Variants in OSTM1 observed in about 807,000 individuals in gnomAD.
The protein encoded by OSTM1 is osteoclastogenesis associated transmembrane protein 1, also known as osteopetrosis-associated transmembrane protein 1.
In OSTM1, 26 loss-of-function variants were observed where a neutral mutation model predicts 35.4. The observed-to-expected ratio is 0.73, with a 90% CI of 0.54 to 1.02. The LOEUF (loss-of-function observed/expected upper bound fraction) is 1.02, where lower values mean the gene tolerates loss of function less well. OSTM1 is among the 50% of genes least tolerant of loss of function. OSTM1 has a pLI of 0.00. For missense variants in OSTM1, 366 were observed against 409.6 expected, an observed-to-expected ratio of 0.89 and a Z score of 0.92; for synonymous variants, 181 against 165.0, an observed-to-expected ratio of 1.10 and a Z score of -0.75.
chr6:108,052,634 C>T (rs1772097274), intron 3 of OSTM1, among the ~76,000 whole-genome samples: 1 of 150,976 alleles, frequency 6.6e-6, no homozygotes, highest in South Asian at 2.1e-4. Context: ...CAGGCAGGTG[C>T]CACCATACCT....
intron 1 of OSTM1, among the ~76,000 whole-genome samples, chr6:108,066,915 A>G (rs12174050): frequency 0.23 from 35,066 of 151,946 alleles, 4,097 homozygotes; most frequent in Admixed American, 0.26. Flanking sequence ...CAAAAAATCA[A>G]TGGTCCTTGC....
chr6:108,073,465 C>T (rs1277650831), intron 1 of OSTM1, among the ~76,000 whole-genome samples: 2 of 152,234 alleles, frequency 1.3e-5, no homozygotes, highest in Non-Finnish European at 2.9e-5. Flanking sequence ...AGCTACCACA[C>T]ACCTAGAGAA....
At chr6:108,058,411 G>A (rs1772204227) in intron 2 of OSTM1, among the ~76,000 whole-genome samples, 1 of 152,096 alleles carries the variant, frequency 6.6e-6, no homozygotes, top group Admixed American at 6.5e-5. Context: ...TAACAAATAT[G>A]AAAACTAAGA....
At chr6:108,049,065 T>C (rs546417515) in intron 5 of OSTM1, among the ~76,000 whole-genome samples, 188 bp downstream of exon 5, 2 of 152,292 alleles carry the variant, frequency 1.3e-5, no homozygotes, top group Admixed American at 1.3e-4. Context: ...TTTAACTTTT[T>C]ATTGTCCACA....
chr6:108,054,731 T>C, intron 2 of OSTM1, 144 bp from the exon 3 acceptor site: 1 of 456,664 alleles, frequency 2.2e-6, no homozygotes, highest in Non-Finnish European at 3.9e-6. Flanking sequence ...ATATGAAGCT[T>C]ACTCCTTTTA....
intron 2 of OSTM1, among the ~76,000 whole-genome samples, chr6:108,054,969 T>A (rs1772144694): frequency 6.6e-6 from 1 of 152,212 alleles, no homozygotes; most frequent in African/African-American, 2.4e-5. Context: ...TATCATTTTT[T>A]GTGTCAAATT....
chr6:108,074,685 C>T lies in OSTM1; in HGVS notation c.-34G>A, dbSNP rs890082910. 2.7e-6 allele frequency: 4 copies of T among 1,502,200 alleles called. No homozygotes were observed. The highest frequency in any genetic ancestry group is 2.1e-5 in the Admixed American group (1 of 47,340). The allele number at this position is 1,502,200 out of a possible 1,614,324, so 93.1% of individuals were successfully genotyped here. A position where few individuals can be genotyped will look rare whatever the true frequency, so the allele number is the denominator to read the frequency against. Reference sequence around the variant, plus strand: ...TCACACACCCCAGGGAGCCCACCGCCGCCTCTCCGCCCCCAGCCGGCACCG... The same window carrying T: ...TCACACACCCCAGGGAGCCCACCGCTGCCTCTCCGCCCCCAGCCGGCACCG... On this transcript the variant is annotated 5_prime_UTR_variant, in exon 1 of 6. Transcript: ENST00000193322.
intron 2 of OSTM1, among the ~76,000 whole-genome samples, chr6:108,063,861 T>C (rs550029818): frequency 2.6e-5 from 4 of 152,292 alleles, no homozygotes; most frequent in African/African-American, 9.6e-5. Context: ...TTACCACCAA[T>C]TTACAGATGA....
intron 1 of OSTM1, among the ~76,000 whole-genome samples, chr6:108,070,462 T>C (rs1772460805): frequency 6.6e-6 from 1 of 152,246 alleles, no homozygotes; most frequent in Non-Finnish European, 1.5e-5. Flanking sequence ...CCCCTAACTA[T>C]ACTGATAGTT....
chr6:108,055,846 A>G (rs61523006), intron 2 of OSTM1, among the ~76,000 whole-genome samples: 12,824 of 152,190 alleles, frequency 0.084, 1,010 homozygotes, highest in East Asian at 0.23. Flanking sequence ...GATGTTCCAC[A>G]TATTTTCTCA....
At chr6:108,072,795 T>C (rs537142949) in intron 1 of OSTM1, among the ~76,000 whole-genome samples, 129 of 152,296 alleles carry the variant, frequency 8.5e-4, no homozygotes, top group African/African-American at 2.8e-3. Flanking sequence ...TCTCACTCTG[T>C]TGCCCAGGAA....
intron 2 of OSTM1, among the ~76,000 whole-genome samples, chr6:108,059,079 T>C (rs9386702): frequency 0.18 from 26,975 of 152,034 alleles, 4,136 homozygotes; most frequent in African/African-American, 0.38. Flanking sequence ...ATAATAATGC[T>C]TCATACTGGA....
intron 3 of OSTM1, among the ~76,000 whole-genome samples, chr6:108,053,800 AGTGT>A (rs1772124282): frequency 1.3e-5 from 2 of 152,244 alleles, no homozygotes; most frequent in African/African-American, 4.8e-5. Flanking sequence ...TTCATAATTC[AGTGT>A]TACCACATTT....
Position 108,074,509 on chromosome 6 carries a change from G to A in OSTM1, c.143C>T (p.Ser48Leu). Residue 48 changes from serine to leucine, a missense_variant, in exon 1 of 6, where the codon TCG becomes TTG. Transcript: ENST00000193322. Reference protein sequence around the residue: ...SPHRVFHDLLSEQQLLEVEDL... With the variant: ...SPHRVFHDLLLEQQLLEVEDL... ...CTCCACCTCCAGCAACTGCTGCTCC[G>A]ACAGGAGGTCGTGGAAGACCCTGTG... 1 of 1,558,812 alleles carries A rather than the reference G, an allele frequency of 6.4e-7. No homozygotes were observed. The highest frequency in any genetic ancestry group is 1.4e-5 in the African/African-American group (1 of 73,498).
At chr6:108,057,725 T>G (rs1477482652) in intron 2 of OSTM1, among the ~76,000 whole-genome samples, 2 of 152,218 alleles carry the variant, frequency 1.3e-5, no homozygotes, top group African/African-American at 4.8e-5. Context: ...CATAAAGCAG[T>G]TCATTTATAT....
chr6:108,050,119 T>A (rs944345271), intron 4 of OSTM1, among the ~76,000 whole-genome samples: 1 of 152,204 alleles, frequency 6.6e-6, no homozygotes, highest in Non-Finnish European at 1.5e-5. Context: ...ATTCAATTAA[T>A]ACATGTTTAT....
At chr6:108,063,036 A>C (rs1296278649) in intron 2 of OSTM1, among the ~76,000 whole-genome samples, 2 of 148,314 alleles carry the variant, frequency 1.3e-5, no homozygotes, top group Non-Finnish European at 3.0e-5. Flanking sequence ...TTTTTAAGAC[A>C]GGGTCTTGCT....
At chr6:108,048,901 G>A (rs1334330018) in intron 5 of OSTM1, among the ~76,000 whole-genome samples, 6 of 151,616 alleles carry the variant, frequency 4.0e-5, no homozygotes, top group African/African-American at 7.3e-5. Flanking sequence ...ACAGGCATGC[G>A]CCATCATGCC....
intron 1 of OSTM1, among the ~76,000 whole-genome samples, chr6:108,068,708 T>C (rs1244866757): frequency 1.3e-5 from 2 of 151,174 alleles, no homozygotes; most frequent in African/African-American, 4.9e-5. Context: ...CTTCTTCCCC[T>C]ACCCTCCCCA....
Sources: allele counts gnomAD v4.1 joint callset (sites outside exome capture counted in the v4.1 genomes callset), GRCh38; gene constraint gnomAD v4.1.1; transcripts MANE v1.5; gene names NCBI Gene and HGNC (gene_info 2026-07-23, HGNC 2026-07-21).